The following SLC6A16 variants were observed in gnomAD, a reference collection of about 807,000 sequenced individuals.
SLC6A16 encodes solute carrier family 6 member 16.
In SLC6A16, 54 loss-of-function variants were observed where a neutral mutation model predicts 65.4. The observed-to-expected ratio is 0.83, with a 90% CI of 0.66 to 1.04. SLC6A16 has a LOEUF of 1.04. SLC6A16 is among the 50% of genes least tolerant of loss of function. The pLI is 0.00. For missense variants in SLC6A16, 816 were observed against 914.0 expected (o/e 0.89, Z 1.38); for synonymous variants, 330 against 346.5 (o/e 0.95, Z 0.53).
At chr19:49,299,987 G>A (rs1176572934) in intron 7 of SLC6A16, among the ~76,000 whole-genome samples, 2 of 121,928 alleles carry the variant, frequency 1.6e-5, no homozygotes, top group South Asian at 2.7e-4. Flanking sequence ...GACAGAGTGA[G>A]ACTCTGTCTC....
At position 49,294,447 on chromosome 19, in the gene SLC6A16, G is replaced by GC; in HGVS notation, c.1335dup (p.Leu446AlafsTer18). 6.2e-7 allele frequency: 1 copy of GC among 1,614,156 alleles called. No individual in the cohort carries two copies. The highest frequency in any genetic ancestry group is 8.5e-7 in the Non-Finnish European group (1 of 1,180,016). On this transcript the variant is annotated frameshift_variant, in exon 8 of 12. Transcript: ENST00000335875. LOFTEE classifies it high-confidence loss of function. ...TTGATGTGCTGGGGAAGGCCACTGAGCCAGGCATTGTAGATGGAGGTTGGG... is the reference window on the plus strand; with the variant it reads ...TTGATGTGCTGGGGAAGGCCACTGAGCCCAGGCATTGTAGATGGAGGTTGGG...
chr19:49,295,360 AC>A (rs1389077756), intron 7 of SLC6A16, among the ~76,000 whole-genome samples: 2 of 138,040 alleles, frequency 1.4e-5, no homozygotes, highest in African/African-American at 5.6e-5. Context: ...AGCCTGGGCG[AC>A]AGCGAGACTC....
At chr19:49,312,943 C>T (rs1399802026) in intron 1 of SLC6A16, among the ~76,000 whole-genome samples, 4 of 151,916 alleles carry the variant, frequency 2.6e-5, no homozygotes, top group Admixed American at 1.3e-4. Context: ...TCAGGCCAGG[C>T]GCAGTGGCTC....
chr19:49,337,334 A>G, the SLC6A16 span: 1 of 1,039,800 alleles, frequency 9.6e-7, no homozygotes, highest in African/African-American at 1.6e-5. Context: ...TAACCTAGAT[A>G]AAGAGAAATA....
chr19:49,294,630 TAA>T (rs3214611), intron 7 of SLC6A16, 77 bp from the exon 8 acceptor site: 1 of 1,289,010 alleles, frequency 7.8e-7, no homozygotes, highest in Non-Finnish European at 1.1e-6. Flanking sequence ...ATCTTCAAGA[TAA>T]AAAAGGCTAT....
At chr19:49,331,159 T>C in the SLC6A16 span, among the ~76,000 whole-genome samples, 4 of 152,142 alleles carry the variant, frequency 2.6e-5, no homozygotes, top group Non-Finnish European at 5.9e-5. Context: ...TCCTTGACTC[T>C]TCAGTTTCTG....
At chr19:49,324,798 G>A (rs1168921233) in intron 1 of SLC6A16, among the ~76,000 whole-genome samples, 2 of 152,238 alleles carry the variant, frequency 1.3e-5, no homozygotes, top group Admixed American at 1.3e-4. Context: ...TCCTGTCAAG[G>A]AATTGGCTCA....
At position 49,311,057 on chromosome 19, in the gene SLC6A16, ACT is replaced by A; in HGVS notation, c.289_290del (p.Ser97Ter). 1.2e-6 allele frequency: 2 copies of A among 1,613,882 alleles called. No homozygotes were observed. The highest frequency in any genetic ancestry group is 1.7e-6 in the Non-Finnish European group (2 of 1,179,948). The stretch of plus-strand genomic sequence containing the variant: ...AGAACGGACGGGCAAGGAGGACCTC[ACT>A]CTCTTTCTTCTCTGTCATCTGCACC... ...EKVQMTEKKE[S>X]EVLLARPFWS... On this transcript the variant is annotated frameshift_variant, in exon 2 of 12. Transcript: ENST00000335875. LOFTEE classifies it high-confidence loss of function.
At chr19:49,335,387 G>A in the SLC6A16 span, 6 of 660,672 alleles carry the variant, frequency 9.1e-6, no homozygotes, top group Non-Finnish European at 1.6e-5. The surrounding 1 kb of genome is among the most constrained non-coding windows in gnomAD (Gnocchi z 4.6). Context: ...AGTGGGTGGA[G>A]CCCCACCCCT....
chr19:49,335,982 A>T, the SLC6A16 span: 1 of 605,908 alleles, frequency 1.7e-6, no homozygotes, highest in East Asian at 2.7e-5. The surrounding 1 kb of genome is among the most constrained non-coding windows in gnomAD (Gnocchi z 4.6). Flanking sequence ...AACAATGATC[A>T]TGAGAGCCAT....
chr19:49,329,571 C>T (rs1970828380), upstream of SLC6A16, among the ~76,000 whole-genome samples: 1 of 148,654 alleles, frequency 6.7e-6, no homozygotes, highest in African/African-American at 2.5e-5. Flanking sequence ...TTGCTTGAGG[C>T]TAGGAGTTTG....
chr19:49,337,949 G>T, the SLC6A16 span: 50 of 1,613,944 alleles, frequency 3.1e-5, no homozygotes, highest in Non-Finnish European at 4.2e-5. Flanking sequence ...GCGGGACGTC[G>T]TAGAGAAAAC....
chr19:49,338,334 C>A, the SLC6A16 span: 1 of 664,060 alleles, frequency 1.5e-6, no homozygotes, highest in East Asian at 2.9e-5. The surrounding 1 kb of genome is among the most constrained non-coding windows in gnomAD (Gnocchi z 5.0). Context: ...GGCTTCCTAC[C>A]CCGTAGTGAC....
At chr19:49,336,125 T>C in the SLC6A16 span, 1 of 338,604 alleles carries the variant, frequency 3.0e-6, no homozygotes, top group Non-Finnish European at 5.4e-6. Context: ...AGAGCCAAAA[T>C]AACATTAATA....
At chr19:49,295,418 C>G (rs576945376) in intron 7 of SLC6A16, among the ~76,000 whole-genome samples, 5 of 151,712 alleles carry the variant, frequency 3.3e-5, no homozygotes, top group African/African-American at 1.2e-4. Flanking sequence ...GTAAGAACTG[C>G]AATGGACAGC....
chr19:49,338,878 G>C, the SLC6A16 span: 2 of 1,613,982 alleles, frequency 1.2e-6, no homozygotes, highest in African/African-American at 1.3e-5. The surrounding 1 kb of genome is among the most constrained non-coding windows in gnomAD (Gnocchi z 5.0). Flanking sequence ...CACCTGGCGC[G>C]GTCCAGACAC....
chr19:49,310,389 G>A lies in SLC6A16; in HGVS notation c.537C>T (p.Ala179=), dbSNP rs751973976. 1.2e-6 allele frequency: 2 copies of A among 1,613,912 alleles called. No individual in the cohort carries two copies. The highest frequency in any genetic ancestry group is 2.7e-5 in the African/African-American group (2 of 74,860). ...QGGMGVWKII[A]PWIGGVGYSS... ...AATACCCCACACCACCAATCCAGGG[G>A]GCAATGATCTTCCATACACCCATGC... Residue 179 remains alanine, a synonymous_variant, in exon 3 of 12, where the codon GCC becomes GCT. Transcript: ENST00000335875.
chr19:49,294,438 G>A lies in SLC6A16; in HGVS notation c.1345C>T (p.Leu449Phe), dbSNP rs1419434771. ...ACCATGCTTTTGATGTGCTGGGGAAGGCCACTGAGCCAGGCATTGTAGATG... is the reference window on the plus strand; with the variant it reads ...ACCATGCTTTTGATGTGCTGGGGAAAGCCACTGAGCCAGGCATTGTAGATG... ...TSIYNAWLSG[L>F]PQHIKSMVLR... Residue 449 changes from leucine to phenylalanine, a missense_variant, in exon 8 of 12, where the codon CTT (leucine) becomes TTT (phenylalanine). By Grantham distance (22) the Leu-to-Phe change is conservative. Coordinates refer to ENST00000335875, the MANE Select transcript of SLC6A16 (RefSeq NM_014037.3). 1 of 1,614,134 alleles carries A rather than the reference G, an allele frequency of 6.2e-7. No homozygotes were observed. The highest frequency in any genetic ancestry group is 1.1e-5 in the South Asian group (1 of 91,072).
At chr19:49,308,774 T>C (rs1285366354) in intron 7 of SLC6A16, 102 bp downstream of exon 7, 6 of 1,458,368 alleles carry the variant, frequency 4.1e-6, no homozygotes, top group Non-Finnish European at 5.6e-6. Context: ...CACCCAAGGT[T>C]GAAATGTGTG....
Sources: gnomAD v4.1 joint callset for allele counts (sites outside exome capture counted in the v4.1 genomes callset) on GRCh38, gnomAD v4.1.1 for gene constraint, Gnocchi (gnomAD v3.1) non-coding constraint, MANE v1.5 for transcripts, NCBI Gene and HGNC (gene_info 2026-07-23, HGNC 2026-07-21) for gene names.